The following RBM47 variants were observed in gnomAD, a reference collection of about 807,000 sequenced individuals.
RBM47 encodes RNA-binding protein 47.
RBM47 carries 21 observed loss-of-function variants against 47.1 expected under a neutral mutation model. The observed-to-expected ratio is 0.45, with a 90% CI of 0.32 to 0.64. The LOEUF (loss-of-function observed/expected upper bound fraction) is 0.64, where lower values mean the gene tolerates loss of function less well. Ranked by LOEUF, RBM47 falls within the 30% of genes least tolerant of loss-of-function variation. The probability of loss-of-function intolerance (pLI) is 0.05; values close to 1 mark genes in which losing one functional copy is unlikely to be tolerated. For synonymous variants in RBM47, 375 were observed against 361.7 expected (o/e 1.04, Z -0.42); for missense variants, 708 against 870.9 (o/e 0.81, Z 2.35).
At chr4:40,478,328 T>C (rs572255054) in intron 2 of RBM47, among the ~76,000 whole-genome samples, 2 of 152,312 alleles carry the variant, frequency 1.3e-5, no homozygotes, top group South Asian at 4.1e-4. Flanking sequence ...TTAACTTCTG[T>C]ATAGCTCTGG....
chr4:40,542,217 T>A (rs1728617928), intron 2 of RBM47, among the ~76,000 whole-genome samples: 1 of 152,186 alleles, frequency 6.6e-6, no homozygotes, highest in Admixed American at 6.5e-5. Context: ...TTTAAGAGGT[T>A]TTAAAGATTC....
At chr4:40,595,310 CA>C (rs1734646239) in intron 1 of RBM47, among the ~76,000 whole-genome samples, 1 of 151,846 alleles carries the variant, frequency 6.6e-6, no homozygotes, top group South Asian at 2.1e-4. Flanking sequence ...GCCTGACCAA[CA>C]AGGTGAAACC....
At position 40,540,694 on chromosome 4, in the gene RBM47, G is replaced by A. The variant is rs145388743; in HGVS notation, c.-155+3728C>T. Among the ~76,000 whole-genome samples, 59 of 147,118 alleles carry A rather than the reference G, an allele frequency of 4.0e-4. No homozygotes were observed. In the East Asian group the frequency reaches 0.01, roughly 26 times the overall value. ...TAATAATAATAAATGGGGAATAATG[G>A]GGAAAAAACCCTACTATTTTTTTCC... is the stretch of plus-strand genomic sequence containing the variant. On this transcript the variant is annotated intron_variant, in intron 2 of 6. Transcript: ENST00000295971.
At chr4:40,495,015 T>G (rs1293519995) in intron 2 of RBM47, among the ~76,000 whole-genome samples, 1 of 152,134 alleles carries the variant, frequency 6.6e-6, no homozygotes, top group Non-Finnish European at 1.5e-5. Context: ...CTATGTTGCC[T>G]AGGCTAGTCT....
chr4:40,447,912 G>A (rs1023354700), intron 3 of RBM47, among the ~76,000 whole-genome samples: 2 of 152,246 alleles, frequency 1.3e-5, no homozygotes, highest in East Asian at 1.9e-4. Context: ...TCTGGAGGCC[G>A]AGGCAGGAGA....
At chr4:40,480,280 T>C (rs953508808) in intron 2 of RBM47, among the ~76,000 whole-genome samples, 1 of 152,074 alleles carries the variant, frequency 6.6e-6, no homozygotes, top group Admixed American at 6.6e-5. Flanking sequence ...CTCAGCCTCA[T>C]CTCCATTTTA....
chr4:40,459,991 G>C (rs1239648509), intron 3 of RBM47, among the ~76,000 whole-genome samples: 1 of 152,096 alleles, frequency 6.6e-6, no homozygotes. Flanking sequence ...CCCAACCTCA[G>C]GTGATCCACC....
At chr4:40,614,555 CA>C (rs1445914347) in intron 1 of RBM47, among the ~76,000 whole-genome samples, 2 of 151,664 alleles carry the variant, frequency 1.3e-5, no homozygotes, top group Non-Finnish European at 2.9e-5. Context: ...GAGTCTTGGC[CA>C]GGGGCAGTGG....
At chr4:40,499,061 A>C (rs963177672) in intron 2 of RBM47, among the ~76,000 whole-genome samples, 3 of 152,176 alleles carry the variant, frequency 2.0e-5, no homozygotes, top group African/African-American at 7.2e-5. Context: ...TAAATAAATA[A>C]ATAAAAGAAG....
In RBM47 at chr4:40,438,238, A is replaced by G. The variant is rs1713017255; in HGVS notation, c.656T>C (p.Ile219Thr). Residue 219 changes from isoleucine to threonine, a missense_variant, in exon 4 of 7, where the codon ATC becomes ACC. Coordinates refer to ENST00000295971, the MANE Select transcript of RBM47 (RefSeq NM_001098634.2). ...GGCGATCTGGTGGCCCCACAGCTGG[A>G]TGCGGCCAGGCATGAGCTTGCGGCG... ...MARRKLMPGR[I>T]QLWGHQIAVD... 1.9e-6 allele frequency: 3 copies of G among 1,604,830 alleles called. No individual in the cohort carries two copies. In the Admixed American group the frequency reaches 5.0e-5, roughly 27 times the overall value.
At chr4:40,430,151 C>T (rs775902672) in intron 6 of RBM47, among the ~76,000 whole-genome samples, 2 of 152,046 alleles carry the variant, frequency 1.3e-5, no homozygotes, top group Non-Finnish European at 2.9e-5. Context: ...GCCGAGATCA[C>T]GCCACTACAC....
At chr4:40,429,038 G>A (rs772594517) in intron 6 of RBM47, among the ~76,000 whole-genome samples, 1 of 152,162 alleles carries the variant, frequency 6.6e-6, no homozygotes, top group Non-Finnish European at 1.5e-5. Context: ...ACCCTTCTGA[G>A]TAGCTCCATG....
intron 1 of RBM47, among the ~76,000 whole-genome samples, chr4:40,582,558 A>G (rs919402410): frequency 1.3e-5 from 2 of 152,110 alleles, no homozygotes; most frequent in Admixed American, 1.3e-4. Context: ...AACAATAAAA[A>G]CAAAAACTAG....
intron 2 of RBM47, among the ~76,000 whole-genome samples, chr4:40,540,649 AAAAAT>A (rs1312435481): frequency 2.1e-3 from 228 of 110,140 alleles, no homozygotes; most frequent in Middle Eastern, 8.5e-3. Flanking sequence ...AAAAAAAAAA[AAAAAT>A]AATAATAATA....
chr4:40,435,402 A>ATAT (rs1484177087), intron 5 of RBM47, among the ~76,000 whole-genome samples: 1 of 152,120 alleles, frequency 6.6e-6, no homozygotes, highest in East Asian at 1.9e-4. Context: ...TACAAAAATT[A>ATAT]GCCAGGCATG....
rs760429769 is a variant in RBM47, at chr4:40,423,664, C to CTT, written c.*2238_*2239dup. On this transcript the variant is annotated 3_prime_UTR_variant, in exon 7 of 7. Transcript: ENST00000295971. The stretch of plus-strand genomic sequence containing the variant: ...ATTCTTTCTTTCTTTTTCTTTCTTT[C>CTT]TTTCTTTCTTTCTTTCTTTCTTTCT... 1.8e-5 allele frequency: 1 copy of CTT among 54,400 alleles called. No homozygotes were observed. Among genetic ancestry groups the CTT allele is most frequent in the African/African-American group, 9.2e-5 (1 of 10,916 alleles). 3.4% of individuals were successfully genotyped at this position (54,400 alleles called of 1,614,324 possible). A position where few individuals can be genotyped will look rare whatever the true frequency, so the allele number is the denominator to read the frequency against.
Position 40,425,800 on chromosome 4 carries a change from A to G in RBM47, c.*104T>C. The G allele has an allele frequency of 7.0e-7, 1 of 1,425,160 alleles. No homozygotes were observed. The highest frequency in any genetic ancestry group is 2.4e-4 in the Middle Eastern group (1 of 4,104). The allele number at this position is 1,425,160 out of a possible 1,614,324, so 88.3% of individuals were successfully genotyped here. A position where few individuals can be genotyped will look rare whatever the true frequency, so the allele number is the denominator to read the frequency against. ...AGAAATAAATCTGCTAACATTCTTC[A>G]CTTTCAGGTTGCATGTGTGAATCCA... On this transcript the variant is annotated 3_prime_UTR_variant, in exon 7 of 7. Transcript: ENST00000295971.
At chr4:40,519,971 C>G (rs915038242) in intron 2 of RBM47, among the ~76,000 whole-genome samples, 1 of 151,970 alleles carries the variant, frequency 6.6e-6, no homozygotes, top group African/African-American at 2.4e-5. Flanking sequence ...CCCAGCCCAC[C>G]CTACCCTCTT....
chr4:40,616,886 T>C (rs1269786768), intron 1 of RBM47, among the ~76,000 whole-genome samples: 2 of 146,668 alleles, frequency 1.4e-5, no homozygotes, highest in Non-Finnish European at 1.5e-5. Flanking sequence ...TTTTTTTTTT[T>C]TTTTTTTGAG....
Sources: allele counts gnomAD v4.1 joint callset (sites outside exome capture counted in the v4.1 genomes callset), GRCh38; gene constraint gnomAD v4.1.1; transcripts MANE v1.5; gene names NCBI Gene and HGNC (gene_info 2026-07-23, HGNC 2026-07-21).